Variants in SIGLEC14 observed in about 807,000 individuals in gnomAD.
SIGLEC14 encodes sialic acid-binding Ig-like lectin 14.
In SIGLEC14, 11 loss-of-function variants were observed where a neutral mutation model predicts 34.2. That is an observed-to-expected ratio of 0.32 (90% CI 0.20 to 0.53). The LOEUF (loss-of-function observed/expected upper bound fraction) is 0.53, where lower values mean the gene tolerates loss of function less well. SIGLEC14 is among the 20% of genes least tolerant of loss of function. The pLI is 0.95. For synonymous variants in SIGLEC14, 99 were observed against 179.7 expected, an observed-to-expected ratio of 0.55 and a Z score of 3.59; for missense variants, 264 against 439.0, an observed-to-expected ratio of 0.60 and a Z score of 3.56.
rs757660907 is a variant in SIGLEC14, at chr19:51,646,358, T to C, written c.320A>G (p.Asp107Gly). 17 of 1,208,976 alleles carry C rather than the reference T, an allele frequency of 1.4e-5. 2 individuals carry two copies. The highest frequency in any genetic ancestry group is 1.8e-5 in the Non-Finnish European group (16 of 904,100). The allele number at this position is 1,208,976 out of a possible 1,614,324, so 74.9% of individuals were successfully genotyped here. ...QKKNCSLSIG[D>G]ARMEDTGSYF... ...GCTTCCCGTGTCCTCCATTCTGGCA[T>C]CTCCGATGCTCAGGGAGCAGTTCTT... Residue 107 changes from aspartate to glycine, a missense_variant, in exon 2 of 7, where the codon GAT (aspartate) becomes GGT (glycine). Asp to Gly is a moderately conservative substitution (Grantham distance 94). This residue lies in a region of SIGLEC14 where 31 missense variants were observed against 67.4 expected (regional missense o/e 0.46). Transcript: ENST00000360844.
rs1600109439 is a variant in SIGLEC14 at position 51,641,633 on chromosome 19, C to T, written c.*1722G>A. On this transcript the variant is annotated 3_prime_UTR_variant, in exon 7 of 7. Coordinates refer to ENST00000360844, the MANE Select transcript of SIGLEC14 (RefSeq NM_001098612.3). ...GCCATAAAAAAGAATGAGATTATGT[C>T]CTTTGCAGGGACATGAGTGGAGCTG... Among the ~76,000 whole-genome samples, 1 of 139,418 alleles carries T rather than the reference C, an allele frequency of 7.2e-6. No individual in the cohort carries two copies. The highest frequency in any genetic ancestry group is 3.3e-4 in the East Asian group (1 of 3,036). 91.5% of individuals were successfully genotyped at this position (139,418 alleles called of 152,430 possible).
chr19:51,642,193 C>T lies in SIGLEC14; in HGVS notation c.*1162G>A, dbSNP rs78659043. On this transcript the variant is annotated 3_prime_UTR_variant, in exon 7 of 7. Coordinates refer to ENST00000360844, the MANE Select transcript of SIGLEC14 (RefSeq NM_001098612.3). Reference sequence around the variant, plus strand: ...AAGTGATTAAAGGGAAAATGCAGAACCAGTGGATACAGAAGGCTGACTGTA... The same window carrying T: ...AAGTGATTAAAGGGAAAATGCAGAATCAGTGGATACAGAAGGCTGACTGTA... Among the ~76,000 whole-genome samples, 21,015 of 137,552 alleles carry T rather than the reference C, an allele frequency of 0.15. 4,593 individuals carry two copies. The highest frequency in any genetic ancestry group is 0.35 in the East Asian group (1,007 of 2,902). The allele number at this position is 137,552 out of a possible 152,430, so 90.2% of individuals were successfully genotyped here. A position where few individuals can be genotyped will look rare whatever the true frequency, so the allele number is the denominator to read the frequency against.
At chr19:51,643,479 G>A in intron 6 of SIGLEC14, 58 bp downstream of exon 6, 1 of 1,296,398 alleles carries the variant, frequency 7.7e-7, no homozygotes, top group Non-Finnish European at 1.0e-6. Flanking sequence ...CCTGGGGCAG[G>A]ACAGCTCAGC....
chr19:51,643,483 G>GGGGGGGGGGGGGGGGGCCCCCCCCCCC, intron 6 of SIGLEC14, 54 bp downstream of exon 6: 2 of 1,297,882 alleles, frequency 1.5e-6, no homozygotes, highest in East Asian at 5.4e-5. Context: ...GGGCAGGACA[G>GGGGGGGGGGGGGGGGGCCCCCCCCCCC]CTCAGCCCCA....
rs946993988 is a variant in SIGLEC14, at chr19:51,641,895, C to T, written c.*1460G>A. On this transcript the variant is annotated 3_prime_UTR_variant, in exon 7 of 7. Transcript: ENST00000360844. ...ATCTGTACAACAAACTCCCATGACA[C>T]TTTACCTATGTAACAAACCTGCACT... Among the ~76,000 whole-genome samples the T allele has an allele frequency of 7.2e-6, 1 of 138,316 alleles. No homozygotes were observed. Among genetic ancestry groups the T allele is most frequent in the African/African-American group, 2.8e-5 (1 of 36,058 alleles). The allele number at this position is 138,316 out of a possible 152,430, so 90.7% of individuals were successfully genotyped here. A position where few individuals can be genotyped will look rare whatever the true frequency, so the allele number is the denominator to read the frequency against.
rs11883114 is a variant in SIGLEC14 at position 51,640,836 on chromosome 19, G to T, written c.*2519C>A. ...TAAATACAAAAAAAACTAGCCAGGCGTGATGGTGCGTGCCTGTAATCCAAG... is the reference window on the plus strand; with the variant it reads ...TAAATACAAAAAAAACTAGCCAGGCTTGATGGTGCGTGCCTGTAATCCAAG... On this transcript the variant is annotated 3_prime_UTR_variant, in exon 7 of 7. Transcript: ENST00000360844. Among the ~76,000 whole-genome samples, 10,994 of 137,498 alleles carry T rather than the reference G, an allele frequency of 0.08. 2,411 individuals carry two copies. Among genetic ancestry groups the T allele is most frequent in the African/African-American group, 0.21 (7,522 of 35,814 alleles). 90.2% of individuals were successfully genotyped at this position (137,498 alleles called of 152,430 possible).
rs1983961399 is a variant in SIGLEC14 at position 51,643,654 on chromosome 19, A to G, written c.1031T>C (p.Ile344Thr). Residue 344 changes from isoleucine to threonine, a missense_variant, in exon 6 of 7, where the codon ATA becomes ACA. Around this residue, in one of 5 missense-constraint regions of SIGLEC14, gnomAD observed 149 missense variants for 184.4 expected, o/e 0.81. Coordinates refer to ENST00000360844, the MANE Select transcript of SIGLEC14 (RefSeq NM_001098612.3). ...GCCCTGCTGTTTCTCAGTTACACAT[A>G]TGCAGGAAGAGGAGCTTCCTGGGAG... The part of the protein sequence containing the change: ...LSVQRSSSSC[I>T]CVTEKQQGSW... 1 of 1,531,648 alleles carries G rather than the reference A, an allele frequency of 6.5e-7. No individual in the cohort carries two copies. The highest frequency in any genetic ancestry group is 8.8e-7 in the Non-Finnish European group (1 of 1,140,916). 94.9% of individuals were successfully genotyped at this position (1,531,648 alleles called of 1,614,324 possible).
chr19:51,642,152 T>A lies in SIGLEC14; in HGVS notation c.*1203A>T, dbSNP rs1983919784. Among the ~76,000 whole-genome samples, 1 of 138,616 alleles carries A rather than the reference T, an allele frequency of 7.2e-6. No individual in the cohort carries two copies. Among genetic ancestry groups the A allele is most frequent in the Non-Finnish European group, 1.5e-5 (1 of 64,938 alleles). 90.9% of individuals were successfully genotyped at this position (138,616 alleles called of 152,430 possible). A position where few individuals can be genotyped will look rare whatever the true frequency, so the allele number is the denominator to read the frequency against. On this transcript the variant is annotated 3_prime_UTR_variant, in exon 7 of 7. Transcript: ENST00000360844. ...ATATAAAAATACAACATAACAAAAC[T>A]TTTGTGGTGCAGCAAAAGTGATTAA...
chr19:51,640,281 G>A lies in SIGLEC14; in HGVS notation c.*3074C>T, dbSNP rs1472964309. Among the ~76,000 whole-genome samples, 1 of 139,182 alleles carries A rather than the reference G, an allele frequency of 7.2e-6. No homozygotes were observed. Among genetic ancestry groups the A allele is most frequent in the Non-Finnish European group, 1.5e-5 (1 of 65,030 alleles). The allele number at this position is 139,182 out of a possible 152,430, so 91.3% of individuals were successfully genotyped here. ...AAAGAAAATAGATTCTGGAACGGGA[G>A]TCAATATTTGGGGAAAGGCACCAAC... On this transcript the variant is annotated 3_prime_UTR_variant, in exon 7 of 7. Transcript: ENST00000360844.
rs79437661 is a variant in SIGLEC14 at position 51,643,327 on chromosome 19, C to G, written c.*28G>C. ...TGTCCCACAGGGCTAAGTGTCCACA[C>G]CTCAGTTCTGTCTTGAGCGGGAGGG... On this transcript the variant is annotated 3_prime_UTR_variant, in exon 7 of 7. Coordinates refer to ENST00000360844, the MANE Select transcript of SIGLEC14 (RefSeq NM_001098612.3). The G allele has an allele frequency of 2.4e-3, 3,708 of 1,519,608 alleles. 700 individuals are homozygous for G. In the African/African-American group the frequency reaches 0.048, roughly 20 times the overall value. 94.1% of individuals were successfully genotyped at this position (1,519,608 alleles called of 1,614,324 possible). A position where few individuals can be genotyped will look rare whatever the true frequency, so the allele number is the denominator to read the frequency against.
chr19:51,643,483 G>GGGGGGGGGGGGCCC, intron 6 of SIGLEC14, 54 bp downstream of exon 6: 1 of 1,297,888 alleles, frequency 7.7e-7, no homozygotes, highest in Non-Finnish European at 1.0e-6. Flanking sequence ...GGGCAGGACA[G>GGGGGGGGGGGGCCC]CTCAGCCCCA....
intron 4 of SIGLEC14, 92 bp downstream of exon 4, chr19:51,645,385 A>AG (rs1374230193): frequency 8.4e-7 from 1 of 1,190,808 alleles, no homozygotes; most frequent in African/African-American, 1.7e-5. Context: ...CCAGGGGCTG[A>AG]GGGGTGAGGG....
chr19:51,641,700 C>A lies in SIGLEC14; in HGVS notation c.*1655G>T, dbSNP rs764271065. On this transcript the variant is annotated 3_prime_UTR_variant, in exon 7 of 7. Coordinates refer to ENST00000360844, the MANE Select transcript of SIGLEC14 (RefSeq NM_001098612.3). ...GCAAACTATCACAAGAAGAGAAAAC[C>A]AAATACCACATGTTCTCACTTGTAA... 2.2e-5 allele frequency among the ~76,000 whole-genome samples: 3 copies of A among 139,140 alleles called. No homozygotes were observed. The highest frequency in any genetic ancestry group is 4.6e-5 in the Non-Finnish European group (3 of 64,992). 91.3% of individuals were successfully genotyped at this position (139,140 alleles called of 152,430 possible).
At chr19:51,644,254 A>G (rs1983980892) in intron 4 of SIGLEC14, among the ~76,000 whole-genome samples, 1 of 138,022 alleles carries the variant, frequency 7.2e-6, no homozygotes, top group Admixed American at 7.0e-5. Context: ...TCTCACATTA[A>G]GGAGAAGTGG....
chr19:51,643,417 C>T lies in SIGLEC14; in HGVS notation c.1149-20G>A, dbSNP rs376727296. 3.6e-4 allele frequency: 535 copies of T among 1,505,802 alleles called. 72 individuals are homozygous for T. Among genetic ancestry groups the T allele is most frequent in the Non-Finnish European group, 4.4e-4 (502 of 1,129,752 alleles). The allele number at this position is 1,505,802 out of a possible 1,614,324, so 93.3% of individuals were successfully genotyped here. A position where few individuals can be genotyped will look rare whatever the true frequency, so the allele number is the denominator to read the frequency against. On this transcript the variant is annotated intron_variant, in intron 6 of 6. Coordinates refer to ENST00000360844, the MANE Select transcript of SIGLEC14 (RefSeq NM_001098612.3). ...CCACACCTGCAGAGCCAACATGGGC[C>T]TCAGATCAGCACCAGCCACTTCAGT...
At position 51,646,225 on chromosome 19, in the gene SIGLEC14, C is replaced by T. The variant is rs1984039252; in HGVS notation, c.421+32G>A. The stretch of plus-strand genomic sequence containing the variant: ...TGTTCTCATACGGGGGTCTCCACGT[C>T]CCAGGGTCCTCTCCTAGGGTTCCTG... On this transcript the variant is annotated intron_variant, in intron 2 of 6. Coordinates refer to ENST00000360844, the MANE Select transcript of SIGLEC14 (RefSeq NM_001098612.3). The T allele has an allele frequency of 1.4e-6, 2 of 1,423,710 alleles. 1 individual carries two copies. The highest frequency in any genetic ancestry group is 3.6e-5 in the African/African-American group (2 of 55,974). 88.2% of individuals were successfully genotyped at this position (1,423,710 alleles called of 1,614,324 possible).
Position 51,641,308 on chromosome 19 carries a change from A to G in SIGLEC14, c.*2047T>C, listed in dbSNP as rs901325467. ...CAAGATAGACCAGTGTCATCAAGCA[A>G]ACTTAACCAATATAAAAGACTCTCA... is the stretch of plus-strand genomic sequence containing the variant. On this transcript the variant is annotated 3_prime_UTR_variant, in exon 7 of 7. Coordinates refer to ENST00000360844, the MANE Select transcript of SIGLEC14 (RefSeq NM_001098612.3). Among the ~76,000 whole-genome samples, 1 of 139,402 alleles carries G rather than the reference A, an allele frequency of 7.2e-6. No individual in the cohort carries two copies. The highest frequency in any genetic ancestry group is 1.5e-5 in the Non-Finnish European group (1 of 65,040). 91.5% of individuals were successfully genotyped at this position (139,402 alleles called of 152,430 possible). A position where few individuals can be genotyped will look rare whatever the true frequency, so the allele number is the denominator to read the frequency against.
chr19:51,645,375 C>T (rs1984008903), intron 4 of SIGLEC14, 102 bp downstream of exon 4: 2 of 1,135,730 alleles, frequency 1.8e-6, no homozygotes, highest in African/African-American at 1.7e-5. Flanking sequence ...GGACCCAGAC[C>T]CAGGGGCTGA....
chr19:51,643,455 T>C (rs1983954276), intron 6 of SIGLEC14, 58 bp from the exon 7 acceptor site: 2 of 1,294,402 alleles, frequency 1.5e-6, no homozygotes, highest in Admixed American at 4.6e-5. Flanking sequence ...TAATTCCAGG[T>C]GGGGCTGAGC....
Sources: allele counts gnomAD v4.1 joint callset (sites outside exome capture counted in the v4.1 genomes callset), GRCh38; gene constraint gnomAD v4.1.1; regional missense constraint gnomAD v4.1.1; transcripts MANE v1.5; gene names NCBI Gene and HGNC (gene_info 2026-07-23, HGNC 2026-07-21).